PDK1: variants seen among roughly 807,000 people sequenced by gnomAD.
PDK1 encodes pyruvate dehydrogenase kinase 1.
Under a neutral mutation model 54.2 loss-of-function variants are expected in PDK1, and 39 were observed. The observed-to-expected ratio is 0.72, with a 90% CI of 0.56 to 0.94. The LOEUF is 0.94. PDK1 is among the 40% of genes least tolerant of loss of function. The pLI, the probability that PDK1 is intolerant of heterozygous loss-of-function variation, is 0.00. For synonymous variants in PDK1, 221 were observed against 207.1 expected, an observed-to-expected ratio of 1.07 and a Z score of -0.58; for missense variants, 552 against 566.0, an observed-to-expected ratio of 0.98 and a Z score of 0.25.
At chr2:172,636,877 C>T in the PDK1 span, among the ~76,000 whole-genome samples, 2 of 152,054 alleles carry the variant, frequency 1.3e-5, no homozygotes, top group Non-Finnish European at 2.9e-5. Context: ...GGACAAACAT[C>T]CAGACGATGT....
downstream of PDK1, among the ~76,000 whole-genome samples, chr2:172,612,097 T>A (rs1691481125): frequency 1.3e-5 from 2 of 152,262 alleles, no homozygotes; most frequent in African/African-American, 4.8e-5. Flanking sequence ...TTTCTCTAAA[T>A]GTATAATGCA....
chr2:172,644,348 A>G, the PDK1 span, among the ~76,000 whole-genome samples: 1 of 152,278 alleles, frequency 6.6e-6, no homozygotes, highest in African/African-American at 2.4e-5. Flanking sequence ...CTCTAAAAAC[A>G]TGCCTGGGGC....
At chr2:172,667,202 C>T in the PDK1 span, among the ~76,000 whole-genome samples, 1 of 152,034 alleles carries the variant, frequency 6.6e-6, no homozygotes, top group Non-Finnish European at 1.5e-5. Flanking sequence ...AGAAGCAGGA[C>T]CTCTAGGGAA....
the PDK1 span, among the ~76,000 whole-genome samples, chr2:172,679,645 G>C: frequency 6.6e-6 from 1 of 152,024 alleles, no homozygotes; most frequent in Non-Finnish European, 1.5e-5. Flanking sequence ...CTTGTTCAGA[G>C]TATTTGCAGT....
the PDK1 span, among the ~76,000 whole-genome samples, chr2:172,713,632 G>A: frequency 2.0e-5 from 3 of 152,220 alleles, no homozygotes; most frequent in African/African-American, 7.2e-5. Flanking sequence ...TTTGAAATTG[G>A]AGCGGGTGCT....
Position 172,558,743 on chromosome 2 carries a change from T to C in PDK1, c.232T>C (p.Phe78Leu), listed in dbSNP as rs1688493885. 1 of 1,610,838 alleles carries C rather than the reference T, an allele frequency of 6.2e-7. No homozygotes were observed. The highest frequency in any genetic ancestry group is 1.3e-5 in the African/African-American group (1 of 74,770). The stretch of plus-strand genomic sequence containing the variant: ...TGCTTGTGAAAAGACCTCATTTATG[T>C]TTCTGCGGCAAGAGTTGCCTGTCAG... Reference protein sequence around the residue: ...VNACEKTSFMFLRQELPVRLA... With the variant: ...VNACEKTSFMLLRQELPVRLA... Residue 78 changes from phenylalanine to leucine, a missense_variant, in exon 2 of 11, where the codon TTT becomes CTT. By Grantham distance (22) the Phe-to-Leu change is conservative (BLOSUM62 0). Transcript: ENST00000282077.
the PDK1 span, among the ~76,000 whole-genome samples, chr2:172,715,322 C>T: frequency 6.6e-6 from 1 of 152,094 alleles, no homozygotes; most frequent in Non-Finnish European, 1.5e-5. Context: ...CTATGCCTTG[C>T]CCAAGTTCTC....
the PDK1 span, among the ~76,000 whole-genome samples, chr2:172,630,821 G>A: frequency 6.6e-6 from 1 of 151,890 alleles, no homozygotes. Flanking sequence ...GTAGAGATGG[G>A]GTTTTGCCAT....
At chr2:172,619,481 G>C in the PDK1 span, among the ~76,000 whole-genome samples, 1 of 139,120 alleles carries the variant, frequency 7.2e-6, no homozygotes, top group Middle Eastern at 3.2e-3. Context: ...ATTATCTCTA[G>C]GCCTAGCTTT....
chr2:172,567,078 T>C, intron 6 of PDK1, 145 bp downstream of exon 6: 1 of 488,440 alleles, frequency 2.0e-6, no homozygotes, highest in Non-Finnish European at 3.6e-6. Flanking sequence ...GTAAAAAATA[T>C]ATCTATAAAC....
chr2:172,579,145 G>A (rs1233088835), intron 8 of PDK1, among the ~76,000 whole-genome samples: 2 of 152,066 alleles, frequency 1.3e-5, no homozygotes, highest in East Asian at 1.9e-4. Context: ...AAGCTTTTTG[G>A]TTAGCCTTAT....
chr2:172,634,772 C>CA, the PDK1 span, among the ~76,000 whole-genome samples: 3,156 of 129,692 alleles, frequency 0.024, 94 homozygotes, highest in African/African-American at 0.08. Flanking sequence ...TCTTAAAATG[C>CA]AAAAAAAAAA....
the PDK1 span, among the ~76,000 whole-genome samples, chr2:172,622,299 A>G: frequency 6.8e-6 from 1 of 146,490 alleles, no homozygotes; most frequent in Non-Finnish European, 1.5e-5. Flanking sequence ...TATGTGAGAT[A>G]TGTTTATATC....
At chr2:172,657,391 C>G in the PDK1 span, among the ~76,000 whole-genome samples, 1 of 151,076 alleles carries the variant, frequency 6.6e-6, no homozygotes, top group South Asian at 2.1e-4. Flanking sequence ...ATGATGACTT[C>G]CAAGTTCTTT....
the PDK1 span, among the ~76,000 whole-genome samples, chr2:172,634,262 A>ATATTATTATTAT: frequency 0.033 from 4,572 of 139,450 alleles, 100 homozygotes; most frequent in South Asian, 0.041. Context: ...AAATCTATTT[A>ATATTATTATTAT]TATTATTATT....
the PDK1 span, among the ~76,000 whole-genome samples, chr2:172,668,636 C>T: frequency 6.6e-6 from 1 of 151,514 alleles, no homozygotes; most frequent in Non-Finnish European, 1.5e-5. Flanking sequence ...GTAGCTGCCA[C>T]CAGTTGTCAA....
In PDK1 at chr2:172,604,961, AGT is replaced by A. The variant is rs1386335276; in HGVS notation, c.*8993_*8994del. ...CAGGCAGTAAATGGCTTATTAAGCA[AGT>A]ATAAGATTCAAGATCTCAGCCCCAA... is the stretch of plus-strand genomic sequence containing the variant. On this transcript the variant is annotated 3_prime_UTR_variant, in exon 11 of 11. Coordinates refer to ENST00000282077, the MANE Select transcript of PDK1 (RefSeq NM_002610.5). 1.2e-4 allele frequency: 18 copies of A among 152,206 alleles called. No homozygotes were observed. The highest frequency in any genetic ancestry group is 1.9e-4 in the Non-Finnish European group (13 of 68,044). 9.4% of individuals were successfully genotyped at this position (152,206 alleles called of 1,614,324 possible).
intron 1 of PDK1, 187 bp downstream of exon 1, chr2:172,556,533 G>A (rs909059503): frequency 4.4e-6 from 2 of 450,924 alleles, no homozygotes; most frequent in African/African-American, 2.1e-5. Context: ...GGCTGGCGGC[G>A]TAAATAACGG....
chr2:172,616,252 C>T, the PDK1 span, among the ~76,000 whole-genome samples: 3 of 152,104 alleles, frequency 2.0e-5, no homozygotes, highest in East Asian at 1.9e-4. Context: ...TACCCCTAGA[C>T]GTACATTCTA....
Sources: allele counts gnomAD v4.1 joint callset (sites outside exome capture counted in the v4.1 genomes callset), GRCh38; gene constraint gnomAD v4.1.1; transcripts MANE v1.5; gene names NCBI Gene and HGNC (gene_info 2026-07-23, HGNC 2026-07-21).